Variants in AFF3 observed in about 807,000 individuals in gnomAD.
The protein encoded by AFF3 is AF4/FMR2 family member 3.
A neutral mutation model predicts 129.7 loss-of-function variants in AFF3; 32 were observed. The ratio of observed to expected loss-of-function variants is 0.25; its 90% CI spans 0.19 to 0.33. AFF3 has a LOEUF of 0.33. AFF3 is among the 10% of genes least tolerant of loss of function. AFF3 has a pLI of 1.00. For missense variants in AFF3, 1,373 were observed against 1,592.0 expected, an observed-to-expected ratio of 0.86 and a Z score of 2.34; for synonymous variants, 644 against 635.4, an observed-to-expected ratio of 1.01 and a Z score of -0.20.
intron 7 of AFF3, among the ~76,000 whole-genome samples, chr2:99,905,188 C>T (rs1356958387): frequency 1.3e-5 from 2 of 152,188 alleles, no homozygotes; most frequent in Admixed American, 6.5e-5. Flanking sequence ...AATCTGATGG[C>T]GCACGTCTGT....
At chr2:99,582,399 G>T (rs1166995215) in intron 17 of AFF3, among the ~76,000 whole-genome samples, 1 of 152,178 alleles carries the variant, frequency 6.6e-6, no homozygotes, top group African/African-American at 2.4e-5. Flanking sequence ...TAAGGGCAGA[G>T]TGGGGGCCCT....
At chr2:100,062,944 G>C (rs59159442) in intron 4 of AFF3, among the ~76,000 whole-genome samples, 2,642 of 152,190 alleles carry the variant, frequency 0.017, 81 homozygotes, top group African/African-American at 0.061. Context: ...TAAGTAACAA[G>C]TGACTATCAA....
rs114012177 is a variant in AFF3, at chr2:99,880,818, G to A, written c.874-43294C>T. Among the ~76,000 whole-genome samples the A allele has an allele frequency of 3.5e-3, 533 of 152,288 alleles. 4 individuals carry two copies. Among genetic ancestry groups the A allele is most frequent in the African/African-American group, 0.012 (506 of 41,566 alleles). The stretch of plus-strand genomic sequence containing the variant: ...CATCTGTATGTGGCGACAGATGACG[G>A]AGTGCTGTTTGGGACGAGCAGTTGG... On this transcript the variant is annotated intron_variant, in intron 7 of 24. Coordinates refer to ENST00000672756, the MANE Select transcript of AFF3 (RefSeq NM_001386135.1).
chr2:99,913,398 C>G (rs1695241149), intron 7 of AFF3, among the ~76,000 whole-genome samples: 1 of 152,116 alleles, frequency 6.6e-6, no homozygotes, highest in Admixed American at 6.5e-5. Flanking sequence ...ACCTGTGAAA[C>G]TGGACTGGAA....
intron 10 of AFF3, among the ~76,000 whole-genome samples, chr2:99,738,033 T>C (rs1191581544): frequency 2.0e-5 from 3 of 152,124 alleles, no homozygotes; most frequent in Non-Finnish European, 4.4e-5. Flanking sequence ...TTTCCAATCC[T>C]CTCTTTTATT....
At chr2:99,592,940 C>CCA (rs1553394586) in intron 15 of AFF3, among the ~76,000 whole-genome samples, 6 of 93,630 alleles carry the variant, frequency 6.4e-5, no homozygotes, top group African/African-American at 2.0e-4. Context: ...CCTCCCCCCC[C>CCA]CCCAAAAAAA....
At chr2:99,579,435 C>T (rs1677317382) in intron 17 of AFF3, among the ~76,000 whole-genome samples, 1 of 141,768 alleles carries the variant, frequency 7.1e-6, no homozygotes, top group Non-Finnish European at 1.5e-5. Context: ...TAAATAAATT[C>T]TAGGCCAGGC....
At chr2:99,587,017 G>C in intron 16 of AFF3, 137 bp downstream of exon 16, 1 of 1,186,090 alleles carries the variant, frequency 8.4e-7, no homozygotes, top group Non-Finnish European at 1.2e-6. Context: ...TAAGATTTGG[G>C]TTAAAGGAGG....
At chr2:100,038,274 G>A (rs537712026) in intron 4 of AFF3, among the ~76,000 whole-genome samples, 57 of 151,600 alleles carry the variant, frequency 3.8e-4, no homozygotes, top group African/African-American at 8.2e-4. Flanking sequence ...TCTTACTCCC[G>A]CAGATTAAAA....
intron 12 of AFF3, among the ~76,000 whole-genome samples, chr2:99,668,029 G>A (rs1575643672): frequency 6.6e-6 from 1 of 151,916 alleles, no homozygotes; most frequent in Admixed American, 6.6e-5. Context: ...ATGGTGGTGG[G>A]CGCCTGTAGT....
chr2:99,931,332 A>G (rs1198973155), intron 7 of AFF3, among the ~76,000 whole-genome samples: 1 of 152,238 alleles, frequency 6.6e-6, no homozygotes, highest in Non-Finnish European at 1.5e-5. Context: ...AGGCTGGTGC[A>G]AAAGTAACTG....
At chr2:99,925,572 T>C (rs934728032) in intron 7 of AFF3, among the ~76,000 whole-genome samples, 3 of 152,200 alleles carry the variant, frequency 2.0e-5, no homozygotes, top group African/African-American at 7.2e-5. Context: ...CCATGAGTCT[T>C]AGGCAGATGA....
At chr2:100,110,490 C>T (rs1559131947) in intron 2 of AFF3, among the ~76,000 whole-genome samples, 1 of 152,204 alleles carries the variant, frequency 6.6e-6, no homozygotes, top group Admixed American at 6.5e-5. Context: ...GATTGGTAGT[C>T]CCCATGCAGC....
chr2:99,564,331 C>A (rs569123874), intron 20 of AFF3, among the ~76,000 whole-genome samples: 27 of 152,136 alleles, frequency 1.8e-4, no homozygotes, highest in African/African-American at 6.3e-4. Context: ...CAGGCTGGGC[C>A]TTGTTCTGAG....
chr2:99,707,797 T>C (rs1490094923), intron 11 of AFF3: 1 of 355,836 alleles, frequency 2.8e-6, no homozygotes, highest in African/African-American at 2.2e-5. Context: ...ATTTCTTTCT[T>C]GCAAAATTTA....
chr2:99,772,694 C>G (rs1054844472), intron 8 of AFF3, among the ~76,000 whole-genome samples: 1 of 152,118 alleles, frequency 6.6e-6, no homozygotes, highest in Non-Finnish European at 1.5e-5. Flanking sequence ...GTTAAACAAC[C>G]ATGACTTAAT....
intron 16 of AFF3, among the ~76,000 whole-genome samples, chr2:99,583,428 G>A (rs1312645854): frequency 6.6e-6 from 1 of 152,178 alleles, no homozygotes; most frequent in East Asian, 1.9e-4. Context: ...TGCTGCCCAG[G>A]CTGGAGAGCA....
At position 99,672,692 on chromosome 2, in the gene AFF3, TTTGGAA is replaced by T. The variant is rs1343861521; in HGVS notation, c.1092-109_1092-104del. ...CTTAATGTTGTTATTAGAGCAACAT[TTTGGAA>T]ATAAGTCTATTTGATTTCCTATTTT... is the stretch of plus-strand genomic sequence containing the variant. On this transcript the variant is annotated intron_variant, in intron 11 of 24. Coordinates refer to ENST00000672756, the MANE Select transcript of AFF3 (RefSeq NM_001386135.1). The T allele has an allele frequency of 7.1e-6, 8 of 1,119,952 alleles. No homozygotes were observed. The African/African-American group carries it at 1.3e-4, about 18-fold the overall frequency. The allele number at this position is 1,119,952 out of a possible 1,614,324, so 69.4% of individuals were successfully genotyped here.
chr2:99,849,483 G>T (rs1689982770), intron 7 of AFF3, among the ~76,000 whole-genome samples: 1 of 152,102 alleles, frequency 6.6e-6, no homozygotes, highest in South Asian at 2.1e-4. Context: ...TGTCCCTGCG[G>T]TGGGGGCGTC....
Sources: allele counts gnomAD v4.1 joint callset (sites outside exome capture counted in the v4.1 genomes callset), GRCh38; gene constraint gnomAD v4.1.1; transcripts MANE v1.5; gene names NCBI Gene and HGNC (gene_info 2026-07-23, HGNC 2026-07-21).